DENND1B: variants seen among roughly 807,000 people sequenced by gnomAD.
DENND1B encodes the protein DENN domain containing 1B, also known as DENN domain-containing protein 1B.
In DENND1B, 59 loss-of-function variants were observed where a neutral mutation model predicts 90.1. The observed-to-expected ratio is 0.65, with a 90% CI of 0.53 to 0.81. The LOEUF is 0.81. Among genes scored for constraint, DENND1B ranks in the 40% least tolerant of loss-of-function variants. The probability of loss-of-function intolerance (pLI) is 0.00; values close to 1 mark genes in which losing one functional copy is unlikely to be tolerated. For missense variants in DENND1B, 862 were observed against 912.6 expected (o/e 0.94, Z 0.71); for synonymous variants, 337 against 324.6 (o/e 1.04, Z -0.41).
chr1:197,738,941 T>C (rs1662963078), intron 2 of DENND1B, among the ~76,000 whole-genome samples: 1 of 151,984 alleles, frequency 6.6e-6, no homozygotes, highest in East Asian at 1.9e-4. Flanking sequence ...TGAGATGAGG[T>C]TGGAAGGCCA....
At chr1:197,650,101 A>C (rs1652952805) in intron 7 of DENND1B, among the ~76,000 whole-genome samples, 1 of 152,226 alleles carries the variant, frequency 6.6e-6, no homozygotes, top group Non-Finnish European at 1.5e-5. Context: ...CATGAAAAAA[A>C]AGCTTAACAT....
intron 2 of DENND1B, among the ~76,000 whole-genome samples, chr1:197,719,998 C>T (rs76173208): frequency 6.6e-6 from 1 of 152,116 alleles, no homozygotes; most frequent in East Asian, 1.9e-4. Context: ...TAACACAATG[C>T]TTTCTGTGTA....
At chr1:197,743,346 C>T (rs1427584752) in intron 2 of DENND1B, among the ~76,000 whole-genome samples, 5 of 152,170 alleles carry the variant, frequency 3.3e-5, no homozygotes, top group African/African-American at 4.8e-5. Context: ...AAGTTATGTT[C>T]ACACTATACT....
intron 13 of DENND1B, among the ~76,000 whole-genome samples, chr1:197,595,906 A>C (rs956791016): frequency 2.6e-5 from 4 of 152,124 alleles, no homozygotes; most frequent in African/African-American, 7.2e-5. Context: ...ACATTGTGTC[A>C]TTTAATCTTC....
intron 2 of DENND1B, among the ~76,000 whole-genome samples, chr1:197,716,665 CA>C (rs1362740664): frequency 6.6e-6 from 1 of 151,826 alleles, no homozygotes; most frequent in African/African-American, 2.4e-5. Flanking sequence ...TAAAGTAATA[CA>C]ATTACTAACA....
Position 197,671,945 on chromosome 1 carries a change from AAAC to A in DENND1B, c.296+89_296+91del, listed in dbSNP as rs1479611435. ...TTATTTTTCAACTTGTTTTTAAAGA[AAAC>A]AAGTTTTTCTTCATCCCAAGCATAA... On this transcript the variant is annotated intron_variant, in intron 5 of 22. Coordinates refer to ENST00000620048, the MANE Select transcript of DENND1B (RefSeq NM_001195215.2). 8 of 1,289,004 alleles carry A rather than the reference AAAC, an allele frequency of 6.2e-6. No individual in the cohort carries two copies. The East Asian group carries it at 1.9e-4, about 30-fold the overall frequency. 79.8% of individuals were successfully genotyped at this position (1,289,004 alleles called of 1,614,324 possible). A position where few individuals can be genotyped will look rare whatever the true frequency, so the allele number is the denominator to read the frequency against.
intron 14 of DENND1B, 94 bp from the exon 15 acceptor site, chr1:197,583,347 G>A: frequency 8.6e-7 from 1 of 1,160,026 alleles, no homozygotes; most frequent in Non-Finnish European, 1.3e-6. Context: ...GATAGAGGAA[G>A]CGTAAGGTGC....
intron 20 of DENND1B, among the ~76,000 whole-genome samples, chr1:197,515,102 C>A (rs1351668427): frequency 6.6e-6 from 1 of 151,578 alleles, no homozygotes; most frequent in East Asian, 1.9e-4. Context: ...ATTGCAGCCA[C>A]AAAGAGTAAG....
At chr1:197,701,669 G>A (rs16841889) in intron 3 of DENND1B, among the ~76,000 whole-genome samples, 3,695 of 152,150 alleles carry the variant, frequency 0.024, 154 homozygotes, top group African/African-American at 0.083. Context: ...GACTTCTGGA[G>A]GGCAAGAACC....
chr1:197,747,953 A>G (rs1259986879), intron 2 of DENND1B, among the ~76,000 whole-genome samples: 2 of 152,210 alleles, frequency 1.3e-5, no homozygotes, highest in Admixed American at 1.3e-4. Flanking sequence ...GATAGCATCA[A>G]TGAAACCATA....
intron 5 of DENND1B, among the ~76,000 whole-genome samples, chr1:197,669,922 C>A (rs1655319467): frequency 6.6e-6 from 1 of 151,974 alleles, no homozygotes; most frequent in South Asian, 2.1e-4. Context: ...ATATTTTCTG[C>A]AGGTTAAAAA....
chr1:197,780,443 A>C (rs1417314967), upstream of DENND1B, among the ~76,000 whole-genome samples: 4 of 150,454 alleles, frequency 2.7e-5, no homozygotes, highest in African/African-American at 9.8e-5. Flanking sequence ...CTCCTGCCTC[A>C]GCCTCCCGAG....
intron 3 of DENND1B, 75 bp downstream of exon 3, chr1:197,714,956 C>G (rs1316450096): frequency 3.0e-5 from 32 of 1,079,966 alleles, no homozygotes; most frequent in Non-Finnish European, 4.2e-5. Flanking sequence ...GTTATACTAG[C>G]AACAGCAGCA....
rs1667865582 is a variant in DENND1B at position 197,509,165 on chromosome 1, T to G, written c.*1295A>C. ...GCACTTTACTTCTGTGATCATCTCC[T>G]CAAAACCCACAATCCCAGTCTAATC... On this transcript the variant is annotated 3_prime_UTR_variant, in exon 23 of 23. Transcript: ENST00000620048. 6.6e-6 allele frequency: 1 copy of G among 151,534 alleles called. No individual in the cohort carries two copies. The highest frequency in any genetic ancestry group is 2.4e-5 in the African/African-American group (1 of 41,260). 9.4% of individuals were successfully genotyped at this position (151,534 alleles called of 1,614,324 possible).
chr1:197,626,293 A>T (rs868557277), intron 10 of DENND1B, among the ~76,000 whole-genome samples: 4 of 152,044 alleles, frequency 2.6e-5, no homozygotes, highest in African/African-American at 9.7e-5. Context: ...CTCAGCAAAT[A>T]TAAAAGAACA....
intron 10 of DENND1B, among the ~76,000 whole-genome samples, chr1:197,637,825 T>C (rs1451517938): frequency 6.6e-6 from 1 of 152,164 alleles, no homozygotes; most frequent in Admixed American, 6.5e-5. Flanking sequence ...CTGCTGCAGC[T>C]TTAAAAACAT....
In DENND1B at chr1:197,595,310, C is replaced by G. The variant is rs778472696; in HGVS notation, c.945G>C (p.Leu315=). The change falls in exon 14 of 23, where the codon CTG becomes CTC. Residue 315 remains leucine, a synonymous_variant. Transcript: ENST00000620048. The part of the protein sequence containing the change: ...SDVVSALKNK[L]KKQSTATGDG... ...CACCCGTAGCTGTAGACTGCTTCTT[C>G]AGTTTATTTTTCAAGGCCGAGACCT... 1 of 1,612,990 alleles carries G rather than the reference C, an allele frequency of 6.2e-7. No homozygotes were observed. Among genetic ancestry groups the G allele is most frequent in the East Asian group, 2.2e-5 (1 of 44,840 alleles).
intron 20 of DENND1B, among the ~76,000 whole-genome samples, chr1:197,522,976 C>T (rs1015623523): frequency 2.0e-5 from 3 of 152,114 alleles, no homozygotes; most frequent in African/African-American, 7.2e-5. Flanking sequence ...AGTTTGCACA[C>T]GCAAGCTCTT....
intron 20 of DENND1B, among the ~76,000 whole-genome samples, chr1:197,526,463 C>A (rs1325147926): frequency 6.6e-6 from 1 of 151,852 alleles, no homozygotes; most frequent in African/African-American, 2.4e-5. Context: ...TCAAATAGGA[C>A]AGAATATAGG....
Sources: gnomAD v4.1 joint callset for allele counts (sites outside exome capture counted in the v4.1 genomes callset) on GRCh38, gnomAD v4.1.1 for gene constraint, MANE v1.5 for transcripts, NCBI Gene and HGNC (gene_info 2026-07-23, HGNC 2026-07-21) for gene names.